UTRN: variants seen among roughly 807,000 people sequenced by gnomAD.
The protein encoded by UTRN is utrophin, also known as dystrophin-related protein 1.
UTRN carries 283 observed loss-of-function variants against 463.9 expected under a neutral mutation model. That is an observed-to-expected ratio of 0.61 (90% CI 0.55 to 0.67). The LOEUF (loss-of-function observed/expected upper bound fraction) is 0.67. Ranked by LOEUF, UTRN falls within the 30% of genes least tolerant of loss-of-function variation. The pLI, the probability that UTRN is intolerant of heterozygous loss-of-function variation, is 0.00. For missense variants in UTRN, 3,922 were observed against 4,084.3 expected, an observed-to-expected ratio of 0.96 and a Z score of 1.08; for synonymous variants, 1,442 against 1,431.5, an observed-to-expected ratio of 1.01 and a Z score of -0.17.
At chr6:144,754,581 A>G in intron 56 of UTRN, 139 bp from the exon 57 acceptor site, 1 of 398,190 alleles carries the variant, frequency 2.5e-6, no homozygotes. Flanking sequence ...GAGACAGAGA[A>G]GGGGTCCAAG....
intron 2 of UTRN, among the ~76,000 whole-genome samples, chr6:144,359,378 G>A (rs774415485): frequency 1.3e-5 from 2 of 152,222 alleles, no homozygotes; most frequent in Non-Finnish European, 2.9e-5. Flanking sequence ...CTGATCTGAT[G>A]AGTGCAGTGT....
At chr6:144,746,442 C>G (rs1790752969) in intron 54 of UTRN, among the ~76,000 whole-genome samples, 1 of 152,118 alleles carries the variant, frequency 6.6e-6, no homozygotes, top group African/African-American at 2.4e-5. Context: ...GGCTCCTAGA[C>G]AGTTACTTGA....
intron 43 of UTRN, among the ~76,000 whole-genome samples, chr6:144,534,557 T>C (rs916983896): frequency 1.3e-5 from 2 of 152,204 alleles, no homozygotes; most frequent in African/African-American, 4.8e-5. Flanking sequence ...TGACTATTCA[T>C]AGTAAACACT....
At chr6:144,300,294 C>T (rs1437161689) in intron 2 of UTRN, among the ~76,000 whole-genome samples, 1 of 151,950 alleles carries the variant, frequency 6.6e-6, no homozygotes. Flanking sequence ...TTCACCATGT[C>T]AGCCAGGCTG....
intron 66 of UTRN, among the ~76,000 whole-genome samples, chr6:144,825,718 T>A (rs1562956469): frequency 6.6e-6 from 1 of 152,124 alleles, no homozygotes; most frequent in Non-Finnish European, 1.5e-5. Flanking sequence ...TACACTTGAA[T>A]TTTGGAAATA....
intron 34 of UTRN, among the ~76,000 whole-genome samples, chr6:144,506,573 A>G (rs1482096791): frequency 6.6e-6 from 1 of 152,222 alleles, no homozygotes; most frequent in African/African-American, 2.4e-5. Flanking sequence ...TTCTTTAAGA[A>G]TGTTGAATAT....
At chr6:144,495,496 G>T (rs370606321) in intron 33 of UTRN, among the ~76,000 whole-genome samples, 1 of 152,204 alleles carries the variant, frequency 6.6e-6, no homozygotes, top group African/African-American at 2.4e-5. Context: ...AGCGTGGCGC[G>T]CAGCCCCGGT....
chr6:144,327,795 T>C (rs1776065549), intron 2 of UTRN, among the ~76,000 whole-genome samples: 1 of 151,708 alleles, frequency 6.6e-6, no homozygotes, highest in South Asian at 2.1e-4. Context: ...ATAACAAAAA[T>C]TAGCTGGGCA....
At chr6:144,435,910 G>T in intron 9 of UTRN, 25 bp from the exon 10 acceptor site, 1 of 1,610,838 alleles carries the variant, frequency 6.2e-7, no homozygotes, top group Non-Finnish European at 8.5e-7. Flanking sequence ...ATTAGTGTGG[G>T]TTTTTCTTGG....
intron 66 of UTRN, among the ~76,000 whole-genome samples, chr6:144,825,653 A>G (rs962584625): frequency 4.6e-5 from 7 of 152,148 alleles, no homozygotes; most frequent in African/African-American, 1.7e-4. Flanking sequence ...AGGTTGATTA[A>G]GACAAAAAAA....
rs189657977 is a variant in UTRN at position 144,364,572 on chromosome 6, G to A, written c.80-38551G>A. Among the ~76,000 whole-genome samples the A allele has an allele frequency of 8.2e-4, 125 of 152,298 alleles. 1 individual carries two copies. Among genetic ancestry groups the A allele is most frequent in the Admixed American group, 8.1e-3 (124 of 15,296 alleles). On this transcript the variant is annotated intron_variant, in intron 2 of 74. Coordinates refer to ENST00000367545, the MANE Select transcript of UTRN (RefSeq NM_007124.3). ...CAATTTGTGATTCACAGGCAGGGAT[G>A]ACTGACTGAGAAGCGTTGCAGATGA...
chr6:144,487,434 G>A (rs1332787993), intron 28 of UTRN, 114 bp from the exon 29 acceptor site: 8 of 1,102,398 alleles, frequency 7.3e-6, no homozygotes, highest in Non-Finnish European at 9.6e-6. Flanking sequence ...CTGTTACTTA[G>A]GTAGATTTTT....
chr6:144,428,008 G>C (rs560159742), intron 7 of UTRN, among the ~76,000 whole-genome samples: 3 of 152,142 alleles, frequency 2.0e-5, no homozygotes, highest in South Asian at 2.1e-4. Context: ...TGACCTGAGT[G>C]GGGGGAGTAA....
intron 2 of UTRN, among the ~76,000 whole-genome samples, chr6:144,392,902 A>G (rs1782062535): frequency 6.6e-6 from 1 of 152,198 alleles, no homozygotes; most frequent in African/African-American, 2.4e-5. Context: ...ATCAAACAAG[A>G]GGACAATTTA....
intron 2 of UTRN, among the ~76,000 whole-genome samples, chr6:144,326,554 A>G (rs1775985726): frequency 6.6e-6 from 1 of 152,126 alleles, no homozygotes; most frequent in African/African-American, 2.4e-5. Flanking sequence ...TCTCTGAGAC[A>G]TTTTACACTT....
intron 51 of UTRN, among the ~76,000 whole-genome samples, chr6:144,651,917 C>T (rs1264371423): frequency 6.6e-6 from 1 of 152,082 alleles, no homozygotes; most frequent in Non-Finnish European, 1.5e-5. Context: ...CACCCATCAC[C>T]TGAGCAGTGT....
At chr6:144,550,142 G>T (rs1222386749) in intron 47 of UTRN, among the ~76,000 whole-genome samples, 2 of 152,172 alleles carry the variant, frequency 1.3e-5, no homozygotes, top group Non-Finnish European at 2.9e-5. Context: ...TTTAGTTTCA[G>T]ACGTGTTGTG....
chr6:144,582,043 A>T (rs558764924), intron 51 of UTRN, among the ~76,000 whole-genome samples: 15 of 152,318 alleles, frequency 9.8e-5, no homozygotes, highest in African/African-American at 3.4e-4. Flanking sequence ...GAAAAAAGAT[A>T]CAGGCAGAAG....
intron 34 of UTRN, among the ~76,000 whole-genome samples, chr6:144,507,735 C>T (rs1794806045): frequency 6.6e-6 from 1 of 152,190 alleles, no homozygotes; most frequent in Non-Finnish European, 1.5e-5. Flanking sequence ...TCAGGAGGCA[C>T]AGGGGTCAGG....
Sources: gnomAD v4.1 joint callset for allele counts (sites outside exome capture counted in the v4.1 genomes callset) on GRCh38, gnomAD v4.1.1 for gene constraint, MANE v1.5 for transcripts, NCBI Gene and HGNC (gene_info 2026-07-23, HGNC 2026-07-21) for gene names.